Variants in LGSN observed in about 807,000 individuals in gnomAD.
LGSN encodes the protein lengsin.
In LGSN, 21 loss-of-function variants were observed where a neutral mutation model predicts 19.5. That is an observed-to-expected ratio of 1.07 (90% CI 0.76 to 1.55). LGSN has a LOEUF of 1.55. Among genes scored for constraint, LGSN ranks in the 40% most tolerant of loss-of-function variants. The probability of loss-of-function intolerance (pLI) is 0.00; values close to 1 mark genes in which losing one functional copy is unlikely to be tolerated. For missense variants in LGSN, 673 were observed against 608.5 expected (o/e 1.11, Z -1.12); for synonymous variants, 257 against 215.6 (o/e 1.19, Z -1.68).
rs772637364 is a variant in LGSN, at chr6:63,280,253, C to T, written c.1298G>A (p.Ser433Asn). The change falls in exon 4 of 4, where the codon AGC (serine) becomes AAC (asparagine). Residue 433 changes from serine (S) to asparagine (N), a missense_variant. Coordinates refer to ENST00000370657, the MANE Select transcript of LGSN (RefSeq NM_016571.3). ...TGGACCAGCCAAGACCTCATTACTG[C>T]TATGAAGTCCATCTAAGCCGGCAGC... ...TVAAGLDGLH[S>N]SNEVLAGPDE... The T allele has an allele frequency of 6.2e-7, 1 of 1,614,218 alleles. No homozygotes were observed. Among genetic ancestry groups the T allele is most frequent in the Admixed American group, 1.7e-5 (1 of 60,028 alleles).
the LGSN span, among the ~76,000 whole-genome samples, chr6:63,391,180 T>G: frequency 6.6e-6 from 1 of 152,244 alleles, no homozygotes; most frequent in Non-Finnish European, 1.5e-5. Context: ...AATTTGCTAT[T>G]AAATAATTTA....
intron 1 of LGSN, among the ~76,000 whole-genome samples, chr6:63,316,959 C>T (rs2127397923): frequency 6.6e-6 from 1 of 151,988 alleles, no homozygotes; most frequent in Middle Eastern, 3.4e-3. Context: ...TTATGATATG[C>T]CTGTAACTGA....
At chr6:63,441,051 C>CA in the LGSN span, 412 of 170,972 alleles carry the variant, frequency 2.4e-3, 3 homozygotes, top group Non-Finnish European at 1.4e-3. Flanking sequence ...TACTAAAATA[C>CA]AAAAAAAATT....
chr6:63,455,180 G>C, the LGSN span, among the ~76,000 whole-genome samples: 1 of 152,184 alleles, frequency 6.6e-6, no homozygotes, highest in African/African-American at 2.4e-5. Flanking sequence ...AAAACAAATA[G>C]CTCAGCGCAT....
the LGSN span, chr6:63,573,354 T>G: frequency 6.6e-6 from 1 of 151,464 alleles, no homozygotes; most frequent in African/African-American, 2.4e-5. Flanking sequence ...TTCCAGAGCT[T>G]CTCGGAGCTC....
At chr6:63,385,323 C>T in the LGSN span, among the ~76,000 whole-genome samples, 1 of 152,140 alleles carries the variant, frequency 6.6e-6, no homozygotes, top group African/African-American at 2.4e-5. Context: ...CCAAAATATA[C>T]ATAAAACAAA....
At chr6:63,557,629 A>G in the LGSN span, among the ~76,000 whole-genome samples, 1 of 152,128 alleles carries the variant, frequency 6.6e-6, no homozygotes, top group African/African-American at 2.4e-5. Flanking sequence ...AATTCCAGGT[A>G]AAAGGAATTG....
the LGSN span, among the ~76,000 whole-genome samples, chr6:63,368,563 C>T: frequency 6.6e-6 from 1 of 152,200 alleles, no homozygotes; most frequent in Non-Finnish European, 1.5e-5. Flanking sequence ...TTCCCGGTAA[C>T]ACCGTTTAAA....
At chr6:63,404,413 G>A in the LGSN span, among the ~76,000 whole-genome samples, 15 of 152,082 alleles carry the variant, frequency 9.9e-5, no homozygotes, top group African/African-American at 3.6e-4. Flanking sequence ...AGCTTAGCAA[G>A]ATTTCTATTT....
the LGSN span, among the ~76,000 whole-genome samples, chr6:63,420,178 A>C: frequency 6.7e-6 from 1 of 149,544 alleles, no homozygotes; most frequent in Non-Finnish European, 1.5e-5. Flanking sequence ...ACTCCAGCGG[A>C]GGCGACAGAC....
the LGSN span, among the ~76,000 whole-genome samples, chr6:63,532,826 T>C: frequency 1.3e-5 from 2 of 152,184 alleles, no homozygotes; most frequent in Admixed American, 1.3e-4. Context: ...CCAAAAAATA[T>C]CGTCTGGAAA....
chr6:63,529,019 G>T, the LGSN span, among the ~76,000 whole-genome samples: 1 of 150,892 alleles, frequency 6.6e-6, no homozygotes, highest in South Asian at 2.1e-4. Flanking sequence ...AATCTGGGAG[G>T]CAGAGGTTAC....
the LGSN span, among the ~76,000 whole-genome samples, chr6:63,445,867 A>G: frequency 6.6e-6 from 1 of 152,192 alleles, no homozygotes; most frequent in Non-Finnish European, 1.5e-5. Context: ...GATCCTTCTG[A>G]AGTATCTCAG....
chr6:63,478,913 C>G, the LGSN span, among the ~76,000 whole-genome samples: 1 of 152,172 alleles, frequency 6.6e-6, no homozygotes, highest in East Asian at 1.9e-4. Flanking sequence ...AGGTTTACAA[C>G]CTTCATGATA....
the LGSN span, among the ~76,000 whole-genome samples, chr6:63,432,880 C>T: frequency 6.6e-6 from 1 of 152,062 alleles, no homozygotes; most frequent in Non-Finnish European, 1.5e-5. Flanking sequence ...TAATGACATT[C>T]CAGGAGTTGT....
chr6:63,485,299 TTCC>T, the LGSN span, among the ~76,000 whole-genome samples: 1 of 152,204 alleles, frequency 6.6e-6, no homozygotes, highest in South Asian at 2.1e-4. Flanking sequence ...TGGTTTTCTG[TTCC>T]TGCATTAGTT....
At chr6:63,497,521 C>T in the LGSN span, among the ~76,000 whole-genome samples, 1 of 152,100 alleles carries the variant, frequency 6.6e-6, no homozygotes, top group South Asian at 2.1e-4. Flanking sequence ...CCACTGCACT[C>T]CAGCCTGGGT....
the LGSN span, among the ~76,000 whole-genome samples, chr6:63,430,682 C>T: frequency 1.6e-4 from 24 of 152,104 alleles, no homozygotes; most frequent in Non-Finnish European, 2.9e-4. Flanking sequence ...ACCACTGCAT[C>T]CAGCCTAAAA....
chr6:63,285,845 T>C lies in LGSN; in HGVS notation c.164-92A>G, dbSNP rs540024872. 4.2e-6 allele frequency: 4 copies of C among 942,976 alleles called. No individual in the cohort carries two copies. In the Admixed American group the frequency reaches 7.0e-5, roughly 17 times the overall value. The allele number at this position is 942,976 out of a possible 1,614,324, so 58.4% of individuals were successfully genotyped here. On this transcript the variant is annotated intron_variant, in intron 2 of 3. Coordinates refer to ENST00000370657, the MANE Select transcript of LGSN (RefSeq NM_016571.3). ...GAGACTAGTGAATTAGTCAATATTA[T>C]TAACAAAAACATTATATATTCATCA...
Sources: gnomAD v4.1 joint callset for allele counts (sites outside exome capture counted in the v4.1 genomes callset) on GRCh38, gnomAD v4.1.1 for gene constraint, MANE v1.5 for transcripts, NCBI Gene and HGNC (gene_info 2026-07-23, HGNC 2026-07-21) for gene names.